NFATC1: variants seen among roughly 807,000 people sequenced by gnomAD.
NFATC1 encodes the protein nuclear factor of activated T-cells, cytoplasmic 1.
A neutral mutation model predicts 76.0 loss-of-function variants in NFATC1; 22 were observed. The observed-to-expected ratio is 0.29, with a 90% CI of 0.21 to 0.41. The LOEUF is 0.41. Among genes scored for constraint, NFATC1 ranks in the 10% least tolerant of loss-of-function variants. NFATC1 has a pLI of 1.00. For synonymous variants in NFATC1, 704 were observed against 613.1 expected, an observed-to-expected ratio of 1.15 and a Z score of -2.19; for missense variants, 1,357 against 1,337.7, an observed-to-expected ratio of 1.01 and a Z score of -0.23.
At position 79,524,525 on chromosome 18, in the gene NFATC1, G is replaced by C. The variant is rs1012926002; in HGVS notation, c.2783-3003G>C. ...CCGGCCACGCGTCCCTGCAGCGTCT[G>C]AGACCTTGTGGAACACACTTGACCC... is the stretch of plus-strand genomic sequence containing the variant. On this transcript the variant is annotated intron_variant, in intron 9 of 9. Coordinates refer to ENST00000427363, the MANE Select transcript of NFATC1 (RefSeq NM_001278669.2). This position sits in a 1 kb window ranked among gnomAD's most constrained non-coding sequence, Gnocchi z 7.2. 6.6e-6 allele frequency among the ~76,000 whole-genome samples: 1 copy of C among 152,216 alleles called. No homozygotes were observed. The highest frequency in any genetic ancestry group is 2.4e-5 in the African/African-American group (1 of 41,456).
At chr18:79,425,554 G>A (rs984571404) in intron 2 of NFATC1, among the ~76,000 whole-genome samples, 8 of 152,190 alleles carry the variant, frequency 5.3e-5, no homozygotes, top group Non-Finnish European at 8.8e-5. Context: ...TTTAACCCTC[G>A]GAAAATCAGA....
intron 9 of NFATC1, among the ~76,000 whole-genome samples, chr18:79,520,786 T>TA (rs2090518859): frequency 2.6e-5 from 1 of 37,888 alleles, no homozygotes; most frequent in Non-Finnish European, 4.4e-5. Context: ...TGTGTGTGTG[T>TA]GGGGGGGCAT....
intron 6 of NFATC1, among the ~76,000 whole-genome samples, chr18:79,455,630 C>G (rs1039082908): frequency 6.6e-6 from 1 of 152,084 alleles, no homozygotes; most frequent in East Asian, 1.9e-4. Context: ...AGCGAGTAGA[C>G]AGAGCCCCTC....
chr18:79,499,515 C>G (rs765968410), intron 9 of NFATC1, among the ~76,000 whole-genome samples: 3 of 152,178 alleles, frequency 2.0e-5, no homozygotes, highest in Non-Finnish European at 4.4e-5. Flanking sequence ...AAACATAATC[C>G]TACCGTATCA....
chr18:79,403,321 T>G (rs1407610321), intron 1 of NFATC1, among the ~76,000 whole-genome samples: 1 of 152,262 alleles, frequency 6.6e-6, no homozygotes, highest in Non-Finnish European at 1.5e-5. Context: ...AACCATTTGT[T>G]GGGACAATGA....
At chr18:79,398,364 C>T (rs1400438682) in intron 1 of NFATC1, among the ~76,000 whole-genome samples, 1 of 152,260 alleles carries the variant, frequency 6.6e-6, no homozygotes, top group Non-Finnish European at 1.5e-5. Flanking sequence ...CGCTGGCACC[C>T]CGCTTCATCA....
chr18:79,402,671 G>A (rs1223523285), intron 1 of NFATC1, among the ~76,000 whole-genome samples: 1 of 152,220 alleles, frequency 6.6e-6, no homozygotes, highest in Non-Finnish European at 1.5e-5. Context: ...TGCTTTTACG[G>A]TGTCAAGAAG....
At chr18:79,440,280 G>T (rs770214907) in intron 3 of NFATC1, among the ~76,000 whole-genome samples, 1 of 152,228 alleles carries the variant, frequency 6.6e-6, no homozygotes. Flanking sequence ...TCCTAATAGC[G>T]CAGAAGGGCC....
rs141454060 is a variant in NFATC1 at position 79,451,065 on chromosome 18, C to T, written c.1701C>T (p.His567=). Reference sequence around the variant, plus strand: ...GGGTACGGCTGGTGTTCCGCGTTCACGTCCCGCAACCCAGCGGCCGCACGC... The same window carrying T: ...GGGTACGGCTGGTGTTCCGCGTTCATGTCCCGCAACCCAGCGGCCGCACGC... ...NTRVRLVFRV[H]VPQPSGRTLS... is the part of the protein sequence containing the mutation. The change falls in exon 5 of 10, where the codon CAC becomes CAT. Residue 567 remains histidine, a synonymous_variant. Transcript: ENST00000427363. 40 of 1,613,140 alleles carry T rather than the reference C, an allele frequency of 2.5e-5. No homozygotes were observed. Among genetic ancestry groups the T allele is most frequent in the Non-Finnish European group, 2.4e-5 (28 of 1,179,972 alleles).
chr18:79,423,420 C>T (rs1426230931), intron 2 of NFATC1, among the ~76,000 whole-genome samples: 3 of 152,208 alleles, frequency 2.0e-5, no homozygotes, highest in Non-Finnish European at 4.4e-5. Context: ...TTCCCAAAGG[C>T]GGCGTCCTGG....
chr18:79,457,478 T>C (rs1041538330), intron 6 of NFATC1, among the ~76,000 whole-genome samples: 1 of 152,156 alleles, frequency 6.6e-6, no homozygotes, highest in Non-Finnish European at 1.5e-5. Flanking sequence ...CCCTCCCTCC[T>C]CTCCCTTCTC....
intron 2 of NFATC1, among the ~76,000 whole-genome samples, chr18:79,423,761 T>C (rs921121762): frequency 6.6e-6 from 1 of 152,196 alleles, no homozygotes; most frequent in Non-Finnish European, 1.5e-5. Context: ...CGATTCCATC[T>C]TTCCTGCTGG....
At chr18:79,481,350 C>T (rs949613008) in intron 8 of NFATC1, among the ~76,000 whole-genome samples, 1 of 152,254 alleles carries the variant, frequency 6.6e-6, no homozygotes, top group Non-Finnish European at 1.5e-5. Context: ...AGAGCCCCAC[C>T]CTCCACGGAC....
chr18:79,440,087 G>T (rs1232268902), intron 3 of NFATC1, among the ~76,000 whole-genome samples: 2 of 152,190 alleles, frequency 1.3e-5, no homozygotes, highest in Non-Finnish European at 2.9e-5. Flanking sequence ...CTCCTGACAG[G>T]CCTGGCCATT....
At chr18:79,467,101 C>G (rs1054213192) in intron 7 of NFATC1, among the ~76,000 whole-genome samples, 3 of 152,258 alleles carry the variant, frequency 2.0e-5, no homozygotes, top group African/African-American at 7.2e-5. Flanking sequence ...TTAGGTTGGT[C>G]TTGTCTGCTG....
intron 6 of NFATC1, among the ~76,000 whole-genome samples, chr18:79,456,384 A>T (rs1371307754): frequency 6.6e-6 from 1 of 151,764 alleles, no homozygotes; most frequent in African/African-American, 2.4e-5. Context: ...GCCTGAAGCC[A>T]CTCCCTCCGG....
chr18:79,504,358 T>C (rs535500403), intron 9 of NFATC1, among the ~76,000 whole-genome samples: 1 of 152,280 alleles, frequency 6.6e-6, no homozygotes, highest in East Asian at 1.9e-4. Context: ...TGGCCTAATG[T>C]CAGTATGGTT....
rs1568947721 is a variant in NFATC1, at chr18:79,427,385, C to CGGTGGGT, written c.1227-6194_1227-6193insGGTGGGT. ...GGGTGCTGTACGGCTGGCCTCTGTG[C>CGGTGGGT]AGTGGGTTGGGGGGAGCTGGATGGC... On this transcript the variant is annotated intron_variant, in intron 2 of 9. Transcript: ENST00000427363. 5.9e-4 allele frequency among the ~76,000 whole-genome samples: 51 copies of CGGTGGGT among 85,892 alleles called. 5 individuals carry two copies. The highest frequency in any genetic ancestry group is 2.7e-3 in the East Asian group (9 of 3,340). The allele number at this position is 85,892 out of a possible 152,430, so 56.3% of individuals were successfully genotyped here.
intron 6 of NFATC1, among the ~76,000 whole-genome samples, chr18:79,452,688 A>C (rs772873953): frequency 1.3e-5 from 2 of 152,220 alleles, no homozygotes; most frequent in Non-Finnish European, 2.9e-5. Context: ...ACCCTAGCCC[A>C]GCCCTCAAGG....
Sources: allele counts gnomAD v4.1 joint callset (sites outside exome capture counted in the v4.1 genomes callset), GRCh38; gene constraint gnomAD v4.1.1; non-coding constraint Gnocchi (gnomAD v3.1); transcripts MANE v1.5; gene names NCBI Gene and HGNC (gene_info 2026-07-23, HGNC 2026-07-21).